DPYD: variants seen among roughly 807,000 people sequenced by gnomAD.
The protein encoded by DPYD is dihydropyrimidine dehydrogenase [NADP(+)].
Under a neutral mutation model 116.2 loss-of-function variants are expected in DPYD, and 109 were observed. The observed-to-expected ratio is 0.94, with a 90% CI of 0.80 to 1.10. The LOEUF (loss-of-function observed/expected upper bound fraction) is 1.10, where lower values mean the gene tolerates loss of function less well. Among genes scored for constraint, DPYD ranks in the 50% least tolerant of loss-of-function variants. The probability of loss-of-function intolerance (pLI) is 0.00; values close to 1 mark genes in which losing one functional copy is unlikely to be tolerated. For missense variants in DPYD, 1,302 were observed against 1,254.5 expected (o/e 1.04, Z -0.57); for synonymous variants, 440 against 432.0 (o/e 1.02, Z -0.23).
intron 8 of DPYD, among the ~76,000 whole-genome samples, chr1:97,623,770 C>CA (rs201146052): frequency 8.7e-4 from 129 of 148,152 alleles, no homozygotes; most frequent in African/African-American, 2.6e-3. Context: ...AGGTATTCGC[C>CA]AAAAAAAAAT....
chr1:97,384,243 T>C (rs1410553328), intron 14 of DPYD, among the ~76,000 whole-genome samples: 1 of 112,190 alleles, frequency 8.9e-6, no homozygotes, highest in Non-Finnish European at 2.0e-5. Flanking sequence ...TTATTTACTT[T>C]GAGAAAAAAA....
At chr1:97,176,209 G>A (rs1037021937) in intron 20 of DPYD, among the ~76,000 whole-genome samples, 1 of 152,200 alleles carries the variant, frequency 6.6e-6, no homozygotes, top group African/African-American at 2.4e-5. Context: ...GAAAAGTGGG[G>A]GGAGAGTGGA....
intron 18 of DPYD, among the ~76,000 whole-genome samples, chr1:97,299,522 G>A (rs1200700870): frequency 6.6e-6 from 1 of 152,016 alleles, no homozygotes; most frequent in African/African-American, 2.4e-5. Flanking sequence ...TTATCTGCAG[G>A]ACAATAGTTA....
At chr1:97,217,164 T>C (rs1660465412) in intron 19 of DPYD, among the ~76,000 whole-genome samples, 1 of 151,838 alleles carries the variant, frequency 6.6e-6, no homozygotes, top group Non-Finnish European at 1.5e-5. Context: ...GCCGAGATCA[T>C]GCCACTGCAC....
chr1:97,187,801 A>G (rs554415722), intron 20 of DPYD, among the ~76,000 whole-genome samples: 6 of 152,274 alleles, frequency 3.9e-5, no homozygotes, highest in African/African-American at 1.4e-4. Context: ...CAATCCAATC[A>G]TCCCAGCACT....
intron 9 of DPYD, among the ~76,000 whole-genome samples, 164 bp from the exon 10 acceptor site, chr1:97,593,551 C>T (rs1235422014): frequency 6.6e-6 from 1 of 152,084 alleles, no homozygotes; most frequent in African/African-American, 2.4e-5. Context: ...CAGTTTTATT[C>T]CCATTTTAAA....
intron 20 of DPYD, among the ~76,000 whole-genome samples, chr1:97,173,354 A>ACACACATATATG: frequency 6.7e-6 from 1 of 149,914 alleles, no homozygotes; most frequent in South Asian, 2.1e-4. Context: ...GCACACATAT[A>ACACACATATATG]TGTACATATA....
rs141536196 is a variant in DPYD, at chr1:97,358,422, C to T, written c.2058+15139G>A. On this transcript the variant is annotated intron_variant, in intron 16 of 22. Coordinates refer to ENST00000370192, the MANE Select transcript of DPYD (RefSeq NM_000110.4). ...AGAAACTTCTGCAGACTTAAACATC[C>T]CTGTCTGACAGCTCTGAAGAGAGCA... Among the ~76,000 whole-genome samples the T allele has an allele frequency of 3.5e-3, 526 of 152,290 alleles. 2 individuals are homozygous for T. Among genetic ancestry groups the T allele is most frequent in the African/African-American group, 0.012 (510 of 41,572 alleles).
intron 18 of DPYD, among the ~76,000 whole-genome samples, chr1:97,251,210 G>A (rs568746797): frequency 7.0e-4 from 106 of 151,656 alleles, no homozygotes; most frequent in African/African-American, 2.0e-3. Context: ...CAGCCTGGCC[G>A]ACATGGTGAA....
intron 14 of DPYD, among the ~76,000 whole-genome samples, chr1:97,428,769 C>A (rs1291353406): frequency 2.5e-5 from 2 of 79,176 alleles, no homozygotes. Context: ...TCAGCAAGTC[C>A]TTAAGTTTTC....
At chr1:97,711,618 T>C (rs1662288648) in intron 5 of DPYD, among the ~76,000 whole-genome samples, 1 of 152,032 alleles carries the variant, frequency 6.6e-6, no homozygotes, top group Non-Finnish European at 1.5e-5. Flanking sequence ...GCATTCGTTC[T>C]ATGTTAGGCT....
intron 3 of DPYD, among the ~76,000 whole-genome samples, chr1:97,817,318 C>T (rs1288903157): frequency 1.3e-5 from 2 of 152,006 alleles, no homozygotes; most frequent in African/African-American, 2.4e-5. Flanking sequence ...GAATGGGAGA[C>T]TTTTTTCCCC....
At chr1:97,133,070 C>A (rs1257644863) in intron 20 of DPYD, among the ~76,000 whole-genome samples, 3 of 151,858 alleles carry the variant, frequency 2.0e-5, no homozygotes, top group South Asian at 2.1e-4. Flanking sequence ...TGAACATTTT[C>A]TAGGTTCTTT....
At chr1:97,288,393 G>GCACCA (rs1041482638) in intron 18 of DPYD, among the ~76,000 whole-genome samples, 7 of 151,424 alleles carry the variant, frequency 4.6e-5, no homozygotes, top group African/African-American at 1.7e-4. Context: ...ATTTTTTTCA[G>GCACCA]CACCACACCA....
At chr1:97,719,209 T>C (rs1048185442) in intron 5 of DPYD, among the ~76,000 whole-genome samples, 4 of 145,666 alleles carry the variant, frequency 2.7e-5, no homozygotes, top group Admixed American at 1.4e-4. Flanking sequence ...CTCCTGATTC[T>C]ACATAAGGCT....
intron 20 of DPYD, among the ~76,000 whole-genome samples, chr1:97,112,137 T>C (rs1007007392): frequency 3.9e-5 from 6 of 152,110 alleles, no homozygotes; most frequent in Non-Finnish European, 8.8e-5. Context: ...ATGTACACAG[T>C]GACACTATAT....
intron 20 of DPYD, among the ~76,000 whole-genome samples, chr1:97,140,617 A>C (rs980477072): frequency 1.8e-4 from 28 of 152,248 alleles, no homozygotes; most frequent in African/African-American, 6.5e-4. Flanking sequence ...GGTGACATGG[A>C]GAAGTGGAGA....
In DPYD at chr1:97,549,697, C is replaced by T; in HGVS notation, c.1387G>A (p.Glu463Lys). The change falls in exon 12 of 23, where the codon GAA (glutamate) becomes AAA (lysine). Residue 463 changes from glutamate (E) to lysine (K), a missense_variant. By Grantham distance (56) the Glu-to-Lys change is moderately conservative. Coordinates refer to ENST00000370192, the MANE Select transcript of DPYD (RefSeq NM_000110.4). ...GTTTGCATAGTTTCTGGATCTACTT[C>T]TGGGAGACCCCATCTGTTAAATTTT... The part of the protein sequence containing the change: ...PIKFNRWGLP[E>K]VDPETMQTSE... 1 of 1,613,794 alleles carries T rather than the reference C, an allele frequency of 6.2e-7. No individual in the cohort carries two copies. Among genetic ancestry groups the T allele is most frequent in the Non-Finnish European group, 8.5e-7 (1 of 1,179,870 alleles).
chr1:97,898,808 T>C (rs1047906544), intron 1 of DPYD, among the ~76,000 whole-genome samples: 1 of 151,932 alleles, frequency 6.6e-6, no homozygotes, highest in Non-Finnish European at 1.5e-5. Flanking sequence ...GTTTTCTACA[T>C]GGTGGTTCCT....
Sources: gnomAD v4.1 joint callset for allele counts (sites outside exome capture counted in the v4.1 genomes callset) on GRCh38, gnomAD v4.1.1 for gene constraint, MANE v1.5 for transcripts, NCBI Gene and HGNC (gene_info 2026-07-23, HGNC 2026-07-21) for gene names.